PCNX2: variants seen among roughly 807,000 people sequenced by gnomAD.
PCNX2 encodes pecanex 2.
A neutral mutation model predicts 223.8 loss-of-function variants in PCNX2; 168 were observed. The observed-to-expected ratio is 0.75, with a 90% CI of 0.66 to 0.85. The LOEUF (loss-of-function observed/expected upper bound fraction) is 0.85, where lower values mean the gene tolerates loss of function less well. Ranked by LOEUF, PCNX2 falls within the 40% of genes least tolerant of loss-of-function variation. PCNX2 has a pLI of 0.00. For missense variants in PCNX2, 2,507 were observed against 2,675.5 expected (o/e 0.94, Z 1.39); for synonymous variants, 1,006 against 1,052.6 (o/e 0.96, Z 0.86).
chr1:233,241,336 C>T, intron 8 of PCNX2: 1 of 985,426 alleles, frequency 1.0e-6, no homozygotes, highest in Non-Finnish European at 1.2e-6. Flanking sequence ...AATTCTCAGG[C>T]TTTCAGAGAA....
Position 233,282,340 on chromosome 1 carries a change from G to T in PCNX2, c.153+12986C>A, listed in dbSNP as rs535851860. Among the ~76,000 whole-genome samples the T allele has an allele frequency of 2.0e-5, 3 of 152,166 alleles. No homozygotes were observed. In the East Asian group the frequency reaches 5.8e-4, roughly 29 times the overall value. Reference sequence around the variant, plus strand: ...TGGCGGTAAATATCATCTCTATGTTGATTATTTTTCAAATCTGTATCCCTA... The same window carrying T: ...TGGCGGTAAATATCATCTCTATGTTTATTATTTTTCAAATCTGTATCCCTA... On this transcript the variant is annotated intron_variant, in intron 1 of 33. Coordinates refer to ENST00000258229, the MANE Select transcript of PCNX2 (RefSeq NM_014801.4).
rs1283668079 is a variant in PCNX2 at position 232,986,264 on chromosome 1, G to A, written c.6068C>T (p.Ser2023Phe). Reference protein sequence around the residue: ...AEALIRSSLGSSTSSTLSFLF... With the variant: ...AEALIRSSLGFSTSSTLSFLF... ...GAAGCTCAGGGTGGAGCTGGTGGAGGAGCCCAGGCTGGACCTGATGAGCGC... is the reference window on the plus strand; with the variant it reads ...GAAGCTCAGGGTGGAGCTGGTGGAGAAGCCCAGGCTGGACCTGATGAGCGC... The change falls in exon 33 of 34, where the codon TCC becomes TTC. Residue 2023 changes from serine (S) to phenylalanine (F), a missense_variant. By Grantham distance (155) the Ser-to-Phe change is radical (BLOSUM62 -2). Transcript: ENST00000258229. 1.3e-6 allele frequency: 2 copies of A among 1,561,768 alleles called. No individual in the cohort carries two copies. Among genetic ancestry groups the A allele is most frequent in the East Asian group, 2.4e-5 (1 of 41,784 alleles).
intron 15 of PCNX2, among the ~76,000 whole-genome samples, chr1:233,187,896 T>C (rs1680195715): frequency 6.6e-6 from 1 of 152,208 alleles, no homozygotes; most frequent in African/African-American, 2.4e-5. Context: ...AAATATAATG[T>C]GAAGTCTGAT....
intron 23 of PCNX2, chr1:233,057,648 TC>T: frequency 5.5e-6 from 1 of 183,042 alleles, no homozygotes; most frequent in Non-Finnish European, 1.1e-5. Flanking sequence ...GGCAGGCAGA[TC>T]ATTTGAAGTC....
intron 23 of PCNX2, among the ~76,000 whole-genome samples, chr1:233,062,158 G>A (rs755501341): frequency 1.3e-5 from 2 of 152,146 alleles, no homozygotes; most frequent in Non-Finnish European, 2.9e-5. Flanking sequence ...AACTACTATT[G>A]TAGTTTGTAA....
intron 12 of PCNX2, 146 bp from the exon 13 acceptor site, chr1:233,208,835 A>AAAAAAAAAAAAAAAAAAAAAG (rs1681652258): frequency 1.8e-6 from 1 of 540,970 alleles, no homozygotes; most frequent in Non-Finnish European, 2.8e-6. Context: ...ACAAAAAAAA[A>AAAAAAAAAAAAAAAAAAAAAG]AAAAAAAAAA....
At chr1:233,158,155 GAAAAA>G (rs1460469760) in intron 19 of PCNX2, among the ~76,000 whole-genome samples, 1 of 151,688 alleles carries the variant, frequency 6.6e-6, no homozygotes, top group African/African-American at 2.4e-5. Flanking sequence ...ATGCAGGAGA[GAAAAA>G]CAAAACAAAA....
chr1:233,170,364 G>T (rs1046405952), intron 17 of PCNX2, among the ~76,000 whole-genome samples: 1 of 152,158 alleles, frequency 6.6e-6, no homozygotes, highest in Non-Finnish European at 1.5e-5. Context: ...TGGTGAGTCG[G>T]TGTGATTTTA....
rs778792345 is a variant in PCNX2 at position 232,986,291 on chromosome 1, T to C, written c.6041A>G (p.Glu2014Gly). 6.5e-5 allele frequency: 102 copies of C among 1,566,414 alleles called. No individual in the cohort carries two copies. The highest frequency in any genetic ancestry group is 2.0e-5 in the Non-Finnish European group (23 of 1,156,416). ...GCCCAGGCTGGACCTGATGAGCGCC[T>C]CGGCCCGCTCACGGACACTCAGGTG... is the stretch of plus-strand genomic sequence containing the variant. The part of the protein sequence containing the change: ...TGHLSVRERA[E>G]ALIRSSLGSS... The change falls in exon 33 of 34, where the codon GAG becomes GGG. Residue 2014 changes from glutamate to glycine, a missense_variant. Transcript: ENST00000258229.
chr1:233,242,486 A>G (rs1658829991), intron 8 of PCNX2, among the ~76,000 whole-genome samples: 1 of 152,210 alleles, frequency 6.6e-6, no homozygotes, highest in African/African-American at 2.4e-5. Context: ...GGAGCAGATG[A>G]TATGCATTTT....
intron 27 of PCNX2, among the ~76,000 whole-genome samples, chr1:233,015,801 GA>G (rs1670637054): frequency 6.6e-6 from 1 of 152,058 alleles, no homozygotes. Context: ...TTGATCCTAG[GA>G]GTTTGAGGCT....
intron 1 of PCNX2, among the ~76,000 whole-genome samples, chr1:233,289,962 A>C (rs951609322): frequency 1.7e-4 from 26 of 152,210 alleles, no homozygotes; most frequent in Admixed American, 1.3e-3. Flanking sequence ...CTACCTTTCC[A>C]TAATTTACAC....
At chr1:233,228,502 C>T (rs532376494) in intron 9 of PCNX2, among the ~76,000 whole-genome samples, 1 of 152,226 alleles carries the variant, frequency 6.6e-6, no homozygotes, top group South Asian at 2.1e-4. Context: ...CATTTACCCT[C>T]CCCCCAGCCT....
chr1:233,232,417 TAAA>T (rs1156932643), intron 9 of PCNX2, among the ~76,000 whole-genome samples: 1 of 152,214 alleles, frequency 6.6e-6, no homozygotes, highest in African/African-American at 2.4e-5. Context: ...TTAGATGTAT[TAAA>T]TGCATTTTCA....
At chr1:233,092,879 A>C (rs1673943414) in intron 22 of PCNX2, among the ~76,000 whole-genome samples, 1 of 152,074 alleles carries the variant, frequency 6.6e-6, no homozygotes, top group African/African-American at 2.4e-5. Context: ...GCTCACTGCA[A>C]CCTCCGCCTC....
At chr1:233,228,202 G>A (rs970650465) in intron 9 of PCNX2, among the ~76,000 whole-genome samples, 1 of 152,092 alleles carries the variant, frequency 6.6e-6, no homozygotes. Flanking sequence ...CGTTCTCCGT[G>A]TACAGAAGCT....
intron 19 of PCNX2, among the ~76,000 whole-genome samples, chr1:233,158,309 G>A (rs552451202): frequency 2.6e-5 from 4 of 152,246 alleles, no homozygotes; most frequent in South Asian, 4.1e-4. Context: ...AGCTTCACAG[G>A]TTCTCTTTGC....
Position 233,263,302 on chromosome 1 carries a change from T to C in PCNX2, c.154-139A>G, listed in dbSNP as rs114351340. ...ATTAGACTAATTTTTTAAGTTTTCC[T>C]GGTTAAAATACTTGAGGAGAAAGAG... On this transcript the variant is annotated intron_variant, in intron 1 of 33. Transcript: ENST00000258229. 2.9e-3 allele frequency: 2,143 copies of C among 750,692 alleles called. 38 individuals are homozygous for C. The African/African-American group carries it at 0.032, about 11-fold the overall frequency. 46.5% of individuals were successfully genotyped at this position (750,692 alleles called of 1,614,324 possible).
At chr1:233,131,317 C>T (rs1357894227) in intron 21 of PCNX2, among the ~76,000 whole-genome samples, 1 of 152,072 alleles carries the variant, frequency 6.6e-6, no homozygotes, top group African/African-American at 2.4e-5. Flanking sequence ...AGCCGTACTA[C>T]CTGTAAGCAC....
Sources: gnomAD v4.1 joint callset for allele counts (sites outside exome capture counted in the v4.1 genomes callset) on GRCh38, gnomAD v4.1.1 for gene constraint, MANE v1.5 for transcripts, NCBI Gene and HGNC (gene_info 2026-07-23, HGNC 2026-07-21) for gene names.